Variants in PTPRD observed in about 807,000 individuals in gnomAD.
The protein encoded by PTPRD is receptor-type tyrosine-protein phosphatase delta.
PTPRD carries 34 observed loss-of-function variants against 214.5 expected under a neutral mutation model. That is an observed-to-expected ratio of 0.16 (90% CI 0.12 to 0.21). The LOEUF (loss-of-function observed/expected upper bound fraction) is 0.21. Ranked by LOEUF, PTPRD falls within the 10% of genes least tolerant of loss-of-function variation. The pLI, the probability that PTPRD is intolerant of heterozygous loss-of-function variation, is 1.00. For missense variants in PTPRD, 2,545 were observed against 2,398.7 expected (o/e 1.06, Z -1.27); for synonymous variants, 1,128 against 845.7 (o/e 1.33, Z -5.79).
chr9:10,402,467 C>T (rs1450577636), intron 2 of PTPRD, among the ~76,000 whole-genome samples: 1 of 151,616 alleles, frequency 6.6e-6, no homozygotes, highest in Non-Finnish European at 1.5e-5. Flanking sequence ...GAGAAAATAG[C>T]AAATCCATAA....
At chr9:8,449,681 T>G (rs1405230387) in intron 34 of PTPRD, 44 bp downstream of exon 34, 2 of 1,568,446 alleles carry the variant, frequency 1.3e-6, no homozygotes, top group Non-Finnish European at 1.8e-6. Context: ...CTGTACAACT[T>G]CTGGGAAAGA....
At chr9:10,191,269 T>A (rs1381331678) in intron 3 of PTPRD, among the ~76,000 whole-genome samples, 2 of 152,050 alleles carry the variant, frequency 1.3e-5, no homozygotes, top group African/African-American at 4.8e-5. Context: ...TATCAGTGAA[T>A]CAATTTCCTT....
At chr9:8,920,470 G>A (rs2098819825) in intron 11 of PTPRD, among the ~76,000 whole-genome samples, 3 of 152,110 alleles carry the variant, frequency 2.0e-5, no homozygotes, top group Admixed American at 2.0e-4. Context: ...AACAAACCCA[G>A]CCCTTCCTCT....
intron 2 of PTPRD, among the ~76,000 whole-genome samples, chr9:10,465,103 T>G (rs575912019): frequency 1.3e-5 from 2 of 152,230 alleles, no homozygotes; most frequent in Non-Finnish European, 2.9e-5. Context: ...ACTGAGTGCC[T>G]TGGAAGGTAT....
chr9:8,524,727 T>G, intron 18 of PTPRD, 198 bp downstream of exon 18: 1 of 717,920 alleles, frequency 1.4e-6, no homozygotes, highest in South Asian at 1.5e-5. Flanking sequence ...TCAGGACAGA[T>G]TATACTCAAG....
At chr9:10,460,797 A>C (rs1386399943) in intron 2 of PTPRD, among the ~76,000 whole-genome samples, 2 of 152,162 alleles carry the variant, frequency 1.3e-5, no homozygotes, top group African/African-American at 4.8e-5. Flanking sequence ...CTAGTAGAGA[A>C]CATAGAGGAA....
chr9:9,827,752 T>C (rs569138947), intron 5 of PTPRD, among the ~76,000 whole-genome samples: 4 of 152,250 alleles, frequency 2.6e-5, no homozygotes, highest in African/African-American at 9.6e-5. Flanking sequence ...GTTTGCAATC[T>C]ACTCATCTGA....
chr9:9,052,535 G>A lies in PTPRD; in HGVS notation c.-142-33800C>T, dbSNP rs915483225. Among the ~76,000 whole-genome samples the A allele has an allele frequency of 2.6e-5, 4 of 152,154 alleles. No homozygotes were observed. The South Asian group carries it at 8.3e-4, about 32-fold the overall frequency. On this transcript the variant is annotated intron_variant, in intron 10 of 45. Coordinates refer to ENST00000381196, the MANE Select transcript of PTPRD (RefSeq NM_002839.4). ...ATAGGGTCATAACACTGAAAGGTAT[G>A]TTAGTGCAATGAAGGAAAATGAAGA...
intron 2 of PTPRD, among the ~76,000 whole-genome samples, chr9:10,543,531 C>A (rs2059596068): frequency 6.6e-6 from 1 of 151,878 alleles, no homozygotes; most frequent in Non-Finnish European, 1.5e-5. Context: ...TACACACACA[C>A]ACATATACAT....
intron 5 of PTPRD, among the ~76,000 whole-genome samples, chr9:9,851,783 T>A (rs890566533): frequency 6.6e-6 from 1 of 152,140 alleles, no homozygotes; most frequent in African/African-American, 2.4e-5. Flanking sequence ...CTGTCTCAAT[T>A]AAAAACAACA....
At chr9:9,833,127 T>C (rs1267145888) in intron 5 of PTPRD, among the ~76,000 whole-genome samples, 1 of 151,964 alleles carries the variant, frequency 6.6e-6, no homozygotes, top group Admixed American at 6.6e-5. Flanking sequence ...TACAGATATA[T>C]TTCTAAGGAA....
At chr9:8,409,641 T>C (rs2130909036) in intron 35 of PTPRD, among the ~76,000 whole-genome samples, 1 of 152,228 alleles carries the variant, frequency 6.6e-6, no homozygotes, top group East Asian at 1.9e-4. Context: ...AATTCAACCT[T>C]TTTACCCAGA....
At chr9:9,065,599 C>T (rs1393098052) in intron 10 of PTPRD, among the ~76,000 whole-genome samples, 2 of 152,096 alleles carry the variant, frequency 1.3e-5, no homozygotes, top group South Asian at 2.1e-4. Flanking sequence ...TTATAATGTA[C>T]AGACTTACTC....
At chr9:8,926,255 C>G (rs2098891046) in intron 11 of PTPRD, among the ~76,000 whole-genome samples, 1 of 152,108 alleles carries the variant, frequency 6.6e-6, no homozygotes, top group Non-Finnish European at 1.5e-5. Context: ...TCAGATGTTA[C>G]CACCTCTGGG....
intron 3 of PTPRD, among the ~76,000 whole-genome samples, chr9:10,250,593 A>G (rs968126172): frequency 6.6e-6 from 1 of 152,094 alleles, no homozygotes; most frequent in African/African-American, 2.4e-5. Flanking sequence ...TTGATCAATC[A>G]ACAAACACTT....
intron 37 of PTPRD, among the ~76,000 whole-genome samples, chr9:8,381,209 A>T (rs1363379069): frequency 6.6e-6 from 1 of 152,190 alleles, no homozygotes; most frequent in Non-Finnish European, 1.5e-5. Flanking sequence ...TAGATAACAC[A>T]AGTCACAGTT....
At chr9:8,600,552 C>G (rs114451750) in intron 14 of PTPRD, among the ~76,000 whole-genome samples, 2 of 151,718 alleles carry the variant, frequency 1.3e-5, no homozygotes, top group Non-Finnish European at 1.5e-5. Flanking sequence ...AGGACTCTGT[C>G]TTGCATCTTG....
At chr9:9,940,583 C>T (rs1209515075) in intron 4 of PTPRD, among the ~76,000 whole-genome samples, 1 of 152,086 alleles carries the variant, frequency 6.6e-6, no homozygotes, top group African/African-American at 2.4e-5. Flanking sequence ...AGAGATAATA[C>T]ATTCTTCTGA....
intron 5 of PTPRD, among the ~76,000 whole-genome samples, chr9:9,778,431 C>T (rs1476172687): frequency 2.0e-5 from 3 of 152,172 alleles, no homozygotes; most frequent in Non-Finnish European, 4.4e-5. Flanking sequence ...TGTTTGTGTG[C>T]TGGGCAGCTC....
Sources: allele counts gnomAD v4.1 joint callset (sites outside exome capture counted in the v4.1 genomes callset), GRCh38; gene constraint gnomAD v4.1.1; transcripts MANE v1.5; gene names NCBI Gene and HGNC (gene_info 2026-07-23, HGNC 2026-07-21).